Variants in MGAM2 observed in about 807,000 individuals in gnomAD.
The protein encoded by MGAM2 is probable maltase-glucoamylase 2.
In MGAM2, 98 loss-of-function variants were observed where a neutral mutation model predicts 96.1. That is an observed-to-expected ratio of 1.02 (90% CI 0.87 to 1.21). The LOEUF is 1.21. MGAM2 is among the 50% of genes most tolerant of loss of function. The pLI is 0.00. For synonymous variants in MGAM2, 749 were observed against 414.8 expected, an observed-to-expected ratio of 1.81 and a Z score of -9.79; for missense variants, 2,055 against 1,182.4, an observed-to-expected ratio of 1.74 and a Z score of -10.82.
intron 41 of MGAM2, 41 bp downstream of exon 41, chr7:142,197,589 T>TCCTC: frequency 1.4e-6 from 1 of 703,070 alleles, no homozygotes; most frequent in Non-Finnish European, 2.6e-6. Flanking sequence ...TTGCAAATAA[T>TCCTC]CCTCTGTAGC....
In MGAM2 at chr7:142,220,468, C is replaced by A. The variant is rs576941813; in HGVS notation, c.5957C>A (p.Thr1986Lys). Residue 1986 changes from threonine (T) to lysine (K), a missense_variant, in exon 48 of 48, where the codon ACA becomes AAA. By Grantham distance (78) the Thr-to-Lys change is moderately conservative. Transcript: ENST00000477922. ...TIPITTTPFA[T>K]STISVTTSTT... ...CCTATCACAACCACACCTTTTGCAA[C>A]AAGTACTATTAGTGTTACAACTAGT... 1.4e-5 allele frequency: 10 copies of A among 702,460 alleles called. No individual in the cohort carries two copies. The highest frequency in any genetic ancestry group is 1.3e-4 in the East Asian group (5 of 37,266). 43.5% of individuals were successfully genotyped at this position (702,460 alleles called of 1,614,324 possible). A position where few individuals can be genotyped will look rare whatever the true frequency, so the allele number is the denominator to read the frequency against.
intron 1 of MGAM2, among the ~76,000 whole-genome samples, chr7:142,112,500 T>G (rs1433764489): frequency 6.6e-6 from 1 of 152,186 alleles, no homozygotes; most frequent in East Asian, 1.9e-4. Flanking sequence ...TATTGAGTTG[T>G]GGGCTGTATG....
At position 142,221,208 on chromosome 7, in the gene MGAM2, A is replaced by T; in HGVS notation, c.6697A>T (p.Asn2233Tyr). Residue 2233 changes from asparagine to tyrosine, a missense_variant, in exon 48 of 48, where the codon AAT (asparagine) becomes TAT (tyrosine). Coordinates refer to ENST00000477922, the MANE Select transcript of MGAM2 (RefSeq NM_001293626.2). The part of the protein sequence containing the change: ...PTSTDVASTN[N>Y]DASMTNFLLA... ...AAGTACTGATGTTGCTAGCACAAAT[A>T]ATGATGCTTCTATGACAAATTTTCT... 2.8e-6 allele frequency: 2 copies of T among 702,252 alleles called. No individual in the cohort carries two copies. Among genetic ancestry groups the T allele is most frequent in the Non-Finnish European group, 5.2e-6 (2 of 384,568 alleles). The allele number at this position is 702,252 out of a possible 1,614,324, so 43.5% of individuals were successfully genotyped here.
In MGAM2 at chr7:142,116,937, A is replaced by G. The variant is rs1563244212; in HGVS notation, c.64A>G (p.Ile22Val). 7.1e-6 allele frequency: 5 copies of G among 703,432 alleles called. No homozygotes were observed. The South Asian group carries it at 7.4e-5, about 10-fold the overall frequency. The allele number at this position is 703,432 out of a possible 1,614,324, so 43.6% of individuals were successfully genotyped here. ...LIIFCLIVVT[I>V]DILLLLLVLE... ...CATCTTCTGCTTAATTGTGGTGACC[A>G]TAGATATCCTCTTGCTGCTTCTTGT... Residue 22 changes from isoleucine to valine, a missense_variant, in exon 2 of 48, where the codon ATA becomes GTA. Ile to Val is a conservative substitution (Grantham distance 29). Coordinates refer to ENST00000477922, the MANE Select transcript of MGAM2 (RefSeq NM_001293626.2).
chr7:142,216,889 T>C (rs1469751677), intron 46 of MGAM2, among the ~76,000 whole-genome samples: 1 of 152,220 alleles, frequency 6.6e-6, no homozygotes, highest in Non-Finnish European at 1.5e-5. Flanking sequence ...GCATGTAATC[T>C]TCAAAATCTT....
At chr7:142,113,950 G>C (rs997005145) in intron 1 of MGAM2, among the ~76,000 whole-genome samples, 5 of 151,966 alleles carry the variant, frequency 3.3e-5, no homozygotes, top group Admixed American at 3.3e-4. Flanking sequence ...TGGCCAACAT[G>C]GTGAAACCCT....
chr7:142,163,777 G>A (rs1795956658), intron 23 of MGAM2, among the ~76,000 whole-genome samples: 1 of 151,912 alleles, frequency 6.6e-6, no homozygotes, highest in Non-Finnish European at 1.5e-5. Context: ...ATTTTTTTAG[G>A]CTTTTCTGAT....
At chr7:142,165,943 C>T (rs1359491769) in intron 24 of MGAM2, among the ~76,000 whole-genome samples, 155 bp from the exon 25 acceptor site, 1 of 152,102 alleles carries the variant, frequency 6.6e-6, no homozygotes, top group African/African-American at 2.4e-5. Context: ...AGTGAGAAAA[C>T]CCAGGAATCA....
rs1468459566 is a variant in MGAM2 at position 142,167,309 on chromosome 7, C to A, written c.2850C>A (p.Thr950=). Residue 950 remains threonine, a synonymous_variant, in exon 26 of 48, where the codon ACC becomes ACA. Transcript: ENST00000477922. ...GAGTGCCCACCTGTTACTATGACACCATCCCTAATTATGTTGCTAGTGATA... is the reference window on the plus strand; with the variant it reads ...GAGTGCCCACCTGTTACTATGACACAATCCCTAATTATGTTGCTAGTGATA... ...TPGVPTCYYD[T]IPNYVASDIQ... The A allele has an allele frequency of 5.7e-6, 4 of 702,396 alleles. No homozygotes were observed. The East Asian group carries it at 1.1e-4, about 19-fold the overall frequency. 43.5% of individuals were successfully genotyped at this position (702,396 alleles called of 1,614,324 possible).
intron 14 of MGAM2, 108 bp from the exon 15 acceptor site, chr7:142,147,348 T>G: frequency 1.7e-6 from 1 of 587,282 alleles, no homozygotes. Flanking sequence ...TTTGGTCAGG[T>G]GGAGATTGGT....
At chr7:142,117,034 G>C (rs758178502) in intron 2 of MGAM2, 55 bp downstream of exon 2, 1 of 701,288 alleles carries the variant, frequency 1.4e-6, no homozygotes, top group Non-Finnish European at 2.6e-6. Flanking sequence ...TCCTGTAAAC[G>C]CCAAAGAGAT....
intron 4 of MGAM2, 120 bp from the exon 5 acceptor site, chr7:142,131,398 T>G (rs1794884076): frequency 1.6e-6 from 1 of 623,792 alleles, no homozygotes; most frequent in African/African-American, 1.8e-5. Context: ...AGATCACGTC[T>G]TGCACTCCAG....
At chr7:142,208,409 A>C in intron 45 of MGAM2, 164 bp from the exon 46 acceptor site, 2 of 655,760 alleles carry the variant, frequency 3.0e-6, no homozygotes, top group Non-Finnish European at 5.6e-6. Flanking sequence ...ACTAACATGC[A>C]GTGAAATAGT....
chr7:142,194,688 ATGTGTGTATGTG>A (rs1236161443), intron 37 of MGAM2, among the ~76,000 whole-genome samples: 8 of 112,166 alleles, frequency 7.1e-5, no homozygotes, highest in African/African-American at 1.1e-4. Context: ...TTAATAGAAC[ATGTGTGTATGTG>A]TGTGTGTGTG....
intron 1 of MGAM2, among the ~76,000 whole-genome samples, chr7:142,114,206 G>GAAAGAAAGAA (rs1817299833): frequency 7.2e-6 from 1 of 139,688 alleles, no homozygotes; most frequent in Non-Finnish European, 1.5e-5. Context: ...AAGAAAGAAA[G>GAAAGAAAGAA]AAAGAAAGAG....
chr7:142,176,376 G>A (rs1306228406), intron 32 of MGAM2, among the ~76,000 whole-genome samples: 1 of 152,142 alleles, frequency 6.6e-6, no homozygotes, highest in Non-Finnish European at 1.5e-5. Flanking sequence ...AAAACTTACA[G>A]CATTATTTGG....
At chr7:142,162,465 T>C (rs1795919739) in intron 23 of MGAM2, among the ~76,000 whole-genome samples, 1 of 152,046 alleles carries the variant, frequency 6.6e-6, no homozygotes, top group Non-Finnish European at 1.5e-5. Context: ...CTCATATCTA[T>C]TTCCCAAGGG....
Position 142,166,234 on chromosome 7 carries a change from A to C in MGAM2, c.2789A>C (p.Gln930Pro). The change falls in exon 25 of 48, where the codon CAG becomes CCG. Residue 930 changes from glutamine (Q) to proline (P), a missense_variant. Coordinates refer to ENST00000477922, the MANE Select transcript of MGAM2 (RefSeq NM_001293626.2). ...DPTASEESCR[Q>P]RGCLWEDTST... ...ACAGCCTCTGAGGAGAGTTGTAGGC[A>C]GCGGGGGTGTCTTTGGGAGGTAAAT... is the stretch of plus-strand genomic sequence containing the variant. 1 of 700,986 alleles carries C rather than the reference A, an allele frequency of 1.4e-6. No homozygotes were observed. The highest frequency in any genetic ancestry group is 2.6e-6 in the Non-Finnish European group (1 of 384,136). The allele number at this position is 700,986 out of a possible 1,614,324, so 43.4% of individuals were successfully genotyped here. A position where few individuals can be genotyped will look rare whatever the true frequency, so the allele number is the denominator to read the frequency against.
intron 32 of MGAM2, 40 bp downstream of exon 32, chr7:142,175,820 A>G (rs1452014784): frequency 1.4e-6 from 1 of 693,772 alleles, no homozygotes; most frequent in Non-Finnish European, 2.6e-6. Context: ...TTCTGTTTCC[A>G]TATTCATGGT....
Sources: gnomAD v4.1 joint callset for allele counts (sites outside exome capture counted in the v4.1 genomes callset) on GRCh38, gnomAD v4.1.1 for gene constraint, MANE v1.5 for transcripts, NCBI Gene and HGNC (gene_info 2026-07-23, HGNC 2026-07-21) for gene names.